The following FRMD3 variants were observed in gnomAD, a reference collection of about 807,000 sequenced individuals.
FRMD3 encodes FERM domain containing 3.
In FRMD3, 33 loss-of-function variants were observed where a neutral mutation model predicts 70.2. The ratio of observed to expected loss-of-function variants is 0.47; its 90% CI spans 0.36 to 0.63. The LOEUF (loss-of-function observed/expected upper bound fraction) is 0.63. FRMD3 is among the 20% of genes least tolerant of loss of function. FRMD3 has a pLI of 0.00. For synonymous variants in FRMD3, 279 were observed against 255.9 expected, an observed-to-expected ratio of 1.09 and a Z score of -0.86; for missense variants, 632 against 711.4, an observed-to-expected ratio of 0.89 and a Z score of 1.27.
rs186578373 is a variant in FRMD3, at chr9:83,510,625, G to A, written c.147+27460C>T. Among the ~76,000 whole-genome samples, 192 of 152,266 alleles carry A rather than the reference G, an allele frequency of 1.3e-3. 1 individual carries two copies. The highest frequency in any genetic ancestry group is 4.3e-3 in the African/African-American group (178 of 41,544). On this transcript the variant is annotated intron_variant, in intron 1 of 13. Transcript: ENST00000304195. ...AGTAGAAACAACTCAAATGTCCATC[G>A]ACCAGTGAATGGATCAACTAACTGC...
intron 9 of FRMD3, among the ~76,000 whole-genome samples, chr9:83,309,953 C>T (rs956519004): frequency 2.6e-5 from 4 of 152,142 alleles, no homozygotes; most frequent in Non-Finnish European, 5.9e-5. Context: ...GGAACTAGTA[C>T]TTGGGCTGAA....
At chr9:83,267,112 C>G (rs1281022140) in intron 13 of FRMD3, 2 of 1,550,740 alleles carry the variant, frequency 1.3e-6, no homozygotes, top group African/African-American at 1.4e-5. Flanking sequence ...TTCGTCGAGT[C>G]TGGATCTTGA....
chr9:83,352,522 C>G (rs1824194717), intron 3 of FRMD3, among the ~76,000 whole-genome samples: 1 of 152,200 alleles, frequency 6.6e-6, no homozygotes, highest in Admixed American at 6.5e-5. Flanking sequence ...GTGTAGGAAG[C>G]CTTCCCACCC....
chr9:83,474,258 C>T (rs1013194210), intron 1 of FRMD3, among the ~76,000 whole-genome samples: 1 of 152,220 alleles, frequency 6.6e-6, no homozygotes, highest in South Asian at 2.1e-4. Flanking sequence ...GGAAGAATTA[C>T]TGTTCTTTCT....
At position 83,538,321 on chromosome 9, in the gene FRMD3, A is replaced by G. The variant is rs984233634; in HGVS notation, c.-90T>C. Reference sequence around the variant, plus strand: ...CACACGCTCGCACGCACTGTCCGGGACACCTGGGCGCGGCTCAGCCCCGGG... The same window carrying G: ...CACACGCTCGCACGCACTGTCCGGGGCACCTGGGCGCGGCTCAGCCCCGGG... On this transcript the variant is annotated 5_prime_UTR_variant, in exon 1 of 14. Coordinates refer to ENST00000304195, the MANE Select transcript of FRMD3 (RefSeq NM_174938.6). This position sits in a 1 kb window ranked among gnomAD's most constrained non-coding sequence, Gnocchi z 4.7. 149 of 1,283,504 alleles carry G rather than the reference A, an allele frequency of 1.2e-4. No individual in the cohort carries two copies. In the African/African-American group the frequency reaches 1.4e-3, roughly 12 times the overall value. 79.5% of individuals were successfully genotyped at this position (1,283,504 alleles called of 1,614,324 possible).
At chr9:83,509,119 A>G (rs1443443264) in intron 1 of FRMD3, among the ~76,000 whole-genome samples, 1 of 151,686 alleles carries the variant, frequency 6.6e-6, no homozygotes, top group Non-Finnish European at 1.5e-5. Context: ...AAGCTCCATG[A>G]GGACCGGAAT....
intron 5 of FRMD3, among the ~76,000 whole-genome samples, chr9:83,337,479 G>T (rs1287321986): frequency 6.6e-6 from 1 of 152,190 alleles, no homozygotes; most frequent in Non-Finnish European, 1.5e-5. Context: ...GGGCAAAGGT[G>T]ATGTCTGGCA....
At chr9:83,251,431 A>T (rs1246091287) in intron 13 of FRMD3, among the ~76,000 whole-genome samples, 3 of 152,118 alleles carry the variant, frequency 2.0e-5, no homozygotes, top group Non-Finnish European at 4.4e-5. Context: ...AAAAACACTG[A>T]AAACTGAAAA....
chr9:83,254,223 C>A (rs565240286), intron 13 of FRMD3, among the ~76,000 whole-genome samples: 1 of 151,846 alleles, frequency 6.6e-6, no homozygotes, highest in East Asian at 1.9e-4. Flanking sequence ...ATGTAACAAA[C>A]CTGCATGTTG....
chr9:83,444,396 C>T (rs1156795853), intron 1 of FRMD3, among the ~76,000 whole-genome samples: 2 of 152,248 alleles, frequency 1.3e-5, no homozygotes, highest in East Asian at 3.8e-4. Flanking sequence ...ACAGTCGGGG[C>T]TGCCCAGATT....
chr9:83,389,466 T>A lies in FRMD3; in HGVS notation c.252+138A>T, dbSNP rs1825603726. ...GTCCAGTGAGGACAATGCCAGCCTC[T>A]TCTGCTCACACAGGGTTTCATGTGC... On this transcript the variant is annotated intron_variant, in intron 2 of 13. Coordinates refer to ENST00000304195, the MANE Select transcript of FRMD3 (RefSeq NM_174938.6). 4 of 649,934 alleles carry A rather than the reference T, an allele frequency of 6.2e-6. No individual in the cohort carries two copies. The East Asian group carries it at 1.1e-4, about 17-fold the overall frequency. The allele number at this position is 649,934 out of a possible 1,614,324, so 40.3% of individuals were successfully genotyped here. A position where few individuals can be genotyped will look rare whatever the true frequency, so the allele number is the denominator to read the frequency against.
intron 1 of FRMD3, among the ~76,000 whole-genome samples, chr9:83,511,057 G>T (rs1829328186): frequency 6.6e-6 from 1 of 152,152 alleles, no homozygotes; most frequent in Non-Finnish European, 1.5e-5. Flanking sequence ...GATGTGGGAG[G>T]ATCCCACTCA....
chr9:83,534,695 T>C (rs7849075), intron 1 of FRMD3, among the ~76,000 whole-genome samples: 63,369 of 152,072 alleles, frequency 0.42, 13,873 homozygotes, highest in South Asian at 0.63. Context: ...AAGGACACAG[T>C]GTATCAAACC....
At chr9:83,530,494 G>A (rs11140139) in intron 1 of FRMD3, among the ~76,000 whole-genome samples, 28,306 of 152,078 alleles carry the variant, frequency 0.19, 3,103 homozygotes, top group African/African-American at 0.29. Context: ...GGTCTGGAGG[G>A]AAATGGAGGT....
Position 83,412,495 on chromosome 9 carries a change from G to A in FRMD3, c.148-22787C>T, listed in dbSNP as rs116121755. ...GCTGTACAAATTTACACTTCCACTA[G>A]TAATGCATCAAAGTCTTTTTAAAAC... On this transcript the variant is annotated intron_variant, in intron 1 of 13. Transcript: ENST00000304195. 3.9e-3 allele frequency among the ~76,000 whole-genome samples: 598 copies of A among 152,274 alleles called. 4 individuals are homozygous for A. The highest frequency in any genetic ancestry group is 0.014 in the African/African-American group (567 of 41,550).
chr9:83,536,082 G>A (rs1587539081), intron 1 of FRMD3, among the ~76,000 whole-genome samples: 2 of 152,076 alleles, frequency 1.3e-5, no homozygotes, highest in South Asian at 4.2e-4. Flanking sequence ...ATTTTAATTG[G>A]TTAAATAATA....
intron 2 of FRMD3, among the ~76,000 whole-genome samples, chr9:83,379,263 G>A (rs1825283686): frequency 6.6e-6 from 1 of 152,080 alleles, no homozygotes; most frequent in African/African-American, 2.4e-5. Flanking sequence ...GGTACAGATG[G>A]ATTACACTTG....
intron 1 of FRMD3, among the ~76,000 whole-genome samples, chr9:83,522,540 C>A (rs896520639): frequency 4.1e-4 from 61 of 149,556 alleles, no homozygotes; most frequent in African/African-American, 1.4e-3. Flanking sequence ...AAGAAATAAA[C>A]CACAAATTTT....
At chr9:83,269,867 C>A (rs1020426090) in intron 13 of FRMD3, among the ~76,000 whole-genome samples, 1 of 152,156 alleles carries the variant, frequency 6.6e-6, no homozygotes, top group African/African-American at 2.4e-5. Context: ...TTTCAGAGAT[C>A]GTAAGTAGAT....
Sources: allele counts gnomAD v4.1 joint callset (sites outside exome capture counted in the v4.1 genomes callset), GRCh38; gene constraint gnomAD v4.1.1; non-coding constraint Gnocchi (gnomAD v3.1); transcripts MANE v1.5; gene names NCBI Gene and HGNC (gene_info 2026-07-23, HGNC 2026-07-21).